CDC42SE2: variants seen among roughly 807,000 people sequenced by gnomAD.
CDC42SE2 encodes CDC42 small effector 2.
CDC42SE2 carries 3 observed loss-of-function variants against 11.5 expected under a neutral mutation model. The ratio of observed to expected loss-of-function variants is 0.26; its 90% CI spans 0.12 to 0.67. CDC42SE2 has a LOEUF of 0.67. Ranked by LOEUF, CDC42SE2 falls within the 30% of genes least tolerant of loss-of-function variation. The pLI is 0.80. For missense variants in CDC42SE2, 82 were observed against 106.8 expected (o/e 0.77, Z 1.02); for synonymous variants, 33 against 34.8 (o/e 0.95, Z 0.18).
the CDC42SE2 span, among the ~76,000 whole-genome samples, chr5:131,219,952 A>C: frequency 6.6e-6 from 1 of 152,028 alleles, no homozygotes; most frequent in Non-Finnish European, 1.5e-5. Flanking sequence ...AACAAACAAA[A>C]AAAGTTGTGG....
Position 131,310,639 on chromosome 5 carries a change from G to T in CDC42SE2, c.-454-5337G>T, listed in dbSNP as rs1372623239. Reference sequence around the variant, plus strand: ...TATGAATCTGGGTGCTCCTGTATTGGGTGCATATATATTTAGGATAGTTAG... The same window carrying T: ...TATGAATCTGGGTGCTCCTGTATTGTGTGCATATATATTTAGGATAGTTAG... On this transcript the variant is annotated intron_variant, in intron 1 of 4. Transcript: ENST00000505065. Among the ~76,000 whole-genome samples, 181 of 151,838 alleles carry T rather than the reference G, an allele frequency of 1.2e-3. 1 individual carries two copies. Among genetic ancestry groups the T allele is most frequent in the African/African-American group, 4.2e-3 (174 of 41,260 alleles).
chr5:131,337,798 G>C (rs564904887), intron 2 of CDC42SE2, among the ~76,000 whole-genome samples: 5 of 152,230 alleles, frequency 3.3e-5, no homozygotes, highest in Non-Finnish European at 5.9e-5. Flanking sequence ...CTGGTGTGCC[G>C]TTTGTGAAGC....
intron 1 of CDC42SE2, among the ~76,000 whole-genome samples, chr5:131,279,214 A>G (rs1445651661): frequency 6.6e-6 from 1 of 152,162 alleles, no homozygotes; most frequent in African/African-American, 2.4e-5. Context: ...TTCTCTTTAC[A>G]TCTGATGATT....
Position 131,332,780 on chromosome 5 carries a change from C to T in CDC42SE2, c.-286+16636C>T, listed in dbSNP as rs955638967. On this transcript the variant is annotated intron_variant, in intron 2 of 4. Coordinates refer to ENST00000505065, the MANE Select transcript of CDC42SE2 (RefSeq NM_001375635.1). ...ATAAATGTCTTCTTTTGAAAAGTGT[C>T]TGTTCATATCCTTTGCCCACTTTTT... Among the ~76,000 whole-genome samples the T allele has an allele frequency of 4.4e-3, 669 of 152,274 alleles. 1 individual carries two copies. The highest frequency in any genetic ancestry group is 7.2e-3 in the Non-Finnish European group (489 of 68,036).
chr5:131,383,837 T>C (rs950185079), intron 3 of CDC42SE2, among the ~76,000 whole-genome samples: 4 of 152,246 alleles, frequency 2.6e-5, no homozygotes, highest in African/African-American at 9.6e-5. Flanking sequence ...TGCAAGGTTA[T>C]AATATTTACT....
chr5:131,243,720 A>G (rs1756558039), upstream of CDC42SE2, among the ~76,000 whole-genome samples: 1 of 152,262 alleles, frequency 6.6e-6, no homozygotes, highest in Non-Finnish European at 1.5e-5. Context: ...TGGTGAAAAT[A>G]GAGAAGTTCT....
chr5:131,327,575 T>G (rs1396605825), intron 2 of CDC42SE2, among the ~76,000 whole-genome samples: 1 of 152,218 alleles, frequency 6.6e-6, no homozygotes, highest in African/African-American at 2.4e-5. Context: ...AAATTCTAAG[T>G]TTAAAGTTAC....
chr5:131,387,924 C>T (rs1311510480), intron 4 of CDC42SE2, among the ~76,000 whole-genome samples: 1 of 152,224 alleles, frequency 6.6e-6, no homozygotes, highest in Admixed American at 6.5e-5. Context: ...TTTGCTATCT[C>T]TAAAGCAATA....
chr5:131,343,807 G>A (rs757636768), intron 2 of CDC42SE2, among the ~76,000 whole-genome samples: 1 of 151,912 alleles, frequency 6.6e-6, no homozygotes, highest in Admixed American at 6.6e-5. Context: ...TTAAAGAGAG[G>A]GAAAGATGAA....
intron 2 of CDC42SE2, among the ~76,000 whole-genome samples, chr5:131,348,674 G>T (rs1485882185): frequency 1.3e-5 from 2 of 152,132 alleles, no homozygotes; most frequent in African/African-American, 4.8e-5. Flanking sequence ...AAAAGAGCCT[G>T]CATTGCCTAG....
chr5:131,221,635 C>T, the CDC42SE2 span, among the ~76,000 whole-genome samples: 1 of 151,810 alleles, frequency 6.6e-6, no homozygotes, highest in South Asian at 2.1e-4. Flanking sequence ...CTCTAGAATA[C>T]CCATTCTTTT....
At chr5:131,266,714 T>C (rs1196126666) in intron 1 of CDC42SE2, among the ~76,000 whole-genome samples, 1 of 152,122 alleles carries the variant, frequency 6.6e-6, no homozygotes, top group Non-Finnish European at 1.5e-5. Flanking sequence ...CGCCTCGGCC[T>C]CCCAAAGTGT....
chr5:131,388,821 G>A (rs1750567556), intron 4 of CDC42SE2, among the ~76,000 whole-genome samples: 1 of 152,074 alleles, frequency 6.6e-6, no homozygotes, highest in Admixed American at 6.5e-5. Context: ...AATGCACAAT[G>A]TAAAAACAAA....
At chr5:131,314,363 C>G (rs1757996017) in intron 1 of CDC42SE2, among the ~76,000 whole-genome samples, 1 of 151,850 alleles carries the variant, frequency 6.6e-6, no homozygotes, top group Middle Eastern at 3.2e-3. Flanking sequence ...TCCTGAGTAG[C>G]TAGGACTACA....
the CDC42SE2 span, among the ~76,000 whole-genome samples, chr5:131,220,448 G>A: frequency 1.3e-5 from 2 of 152,078 alleles, no homozygotes; most frequent in Admixed American, 6.6e-5. Context: ...CTCGTGATCC[G>A]CCCACCTCAG....
intron 3 of CDC42SE2, among the ~76,000 whole-genome samples, chr5:131,377,110 A>G (rs1300297668): frequency 6.6e-6 from 1 of 151,926 alleles, no homozygotes; most frequent in Non-Finnish European, 1.5e-5. Flanking sequence ...TCCCACCAGC[A>G]GTATATAAGT....
chr5:131,330,794 A>G (rs1282658417), intron 2 of CDC42SE2, among the ~76,000 whole-genome samples: 2 of 150,042 alleles, frequency 1.3e-5, no homozygotes, highest in Admixed American at 6.7e-5. Flanking sequence ...AAGCAAGAGG[A>G]GCACTTGAGT....
In CDC42SE2 at chr5:131,306,657, T is replaced by C. The variant is rs941179149; in HGVS notation, c.-454-9319T>C. Among the ~76,000 whole-genome samples, 7 of 152,326 alleles carry C rather than the reference T, an allele frequency of 4.6e-5. No individual in the cohort carries two copies. In the East Asian group the frequency reaches 7.7e-4, roughly 17 times the overall value. On this transcript the variant is annotated intron_variant, in intron 1 of 4. Transcript: ENST00000505065. ...CATTGGAATTTTGATAGAGATTGCA[T>C]TGAATCTGTAAATTGCTTTGGGTAT...
intron 1 of CDC42SE2, among the ~76,000 whole-genome samples, chr5:131,297,186 T>A (rs950678613): frequency 1.3e-5 from 2 of 151,680 alleles, no homozygotes; most frequent in African/African-American, 4.8e-5. Flanking sequence ...ATTTTTGTTC[T>A]TTCTCGTGCA....
Sources: allele counts gnomAD v4.1 joint callset (sites outside exome capture counted in the v4.1 genomes callset), GRCh38; gene constraint gnomAD v4.1.1; transcripts MANE v1.5; gene names NCBI Gene and HGNC (gene_info 2026-07-23, HGNC 2026-07-21).